The following SLC9C2 variants were observed in gnomAD, a reference collection of about 807,000 sequenced individuals.
The protein encoded by SLC9C2 is sodium/hydrogen exchanger 11.
A neutral mutation model predicts 140.2 loss-of-function variants in SLC9C2; 75 were observed. The ratio of observed to expected loss-of-function variants is 0.53; its 90% CI spans 0.44 to 0.65. The LOEUF (loss-of-function observed/expected upper bound fraction) is 0.65, where lower values mean the gene tolerates loss of function less well. Among genes scored for constraint, SLC9C2 ranks in the 30% least tolerant of loss-of-function variants. SLC9C2 has a pLI of 0.00. For synonymous variants in SLC9C2, 375 were observed against 420.9 expected (o/e 0.89, Z 1.34); for missense variants, 1,074 against 1,331.8 (o/e 0.81, Z 3.01).
At chr1:173,546,318 A>C (rs1255882274) in intron 13 of SLC9C2, among the ~76,000 whole-genome samples, 1 of 152,244 alleles carries the variant, frequency 6.6e-6, no homozygotes, top group African/African-American at 2.4e-5. Context: ...AGATCACTTG[A>C]GGCCAGAAGT....
intron 9 of SLC9C2, 28 bp downstream of exon 9, chr1:173,573,154 T>C: frequency 2.7e-6 from 4 of 1,465,964 alleles, no homozygotes; most frequent in Non-Finnish European, 3.7e-6. Context: ...CTCAGTTTAG[T>C]AAACAAACTT....
chr1:173,581,885 A>G lies in SLC9C2; in HGVS notation c.764T>C (p.Ile255Thr), dbSNP rs775068422. 6.3e-7 allele frequency: 1 copy of G among 1,597,156 alleles called. No individual in the cohort carries two copies. Among genetic ancestry groups the G allele is most frequent in the African/African-American group, 1.3e-5 (1 of 74,628 alleles). ...DVFSNMLTNI[I>T]LCFSMVYMTF... ...CATGTACACCATTGAAAAGCAGAGA[A>G]TGATATTAGTCAGCATATTGCTAAA... Residue 255 changes from isoleucine (I) to threonine (T), a missense_variant, in exon 7 of 28, where the codon ATT (isoleucine) becomes ACT (threonine). Physicochemically the swap from Ile to Thr is moderately conservative, Grantham distance 89. Transcript: ENST00000367714.
intron 13 of SLC9C2, among the ~76,000 whole-genome samples, chr1:173,538,965 C>CA (rs1230442471): frequency 6.6e-6 from 1 of 152,132 alleles, no homozygotes; most frequent in Non-Finnish European, 1.5e-5. Flanking sequence ...CTATGCAGGG[C>CA]AGGGGAAAGG....
Position 173,548,353 on chromosome 1 carries a change from G to A in SLC9C2, c.1461+36C>T, listed in dbSNP as rs754007403. On this transcript the variant is annotated intron_variant, in intron 12 of 27. Transcript: ENST00000367714. The stretch of plus-strand genomic sequence containing the variant: ...AGCAAGTGAGGCAGACCAAGGGAAG[G>A]AAAGGAAAACTACTTTTTGCCAGGT... 3 of 1,587,282 alleles carry A rather than the reference G, an allele frequency of 1.9e-6. No homozygotes were observed. The East Asian group carries it at 6.7e-5, about 35-fold the overall frequency.
intron 10 of SLC9C2, among the ~76,000 whole-genome samples, chr1:173,555,971 A>G (rs1663665590): frequency 1.3e-5 from 2 of 152,244 alleles, no homozygotes. Flanking sequence ...TATTAAATAA[A>G]TACTGTACTC....
At chr1:173,594,557 G>T (rs965952206) in intron 4 of SLC9C2, among the ~76,000 whole-genome samples, 16 of 152,154 alleles carry the variant, frequency 1.1e-4, no homozygotes, top group Non-Finnish European at 2.2e-4. Flanking sequence ...AATGGAAATT[G>T]ATAAGCATGT....
chr1:173,542,398 A>G, intron 13 of SLC9C2, among the ~76,000 whole-genome samples: 1 of 152,232 alleles, frequency 6.6e-6, no homozygotes, highest in Middle Eastern at 3.2e-3. Flanking sequence ...GTCCAAGACC[A>G]AACAGATTCA....
intron 9 of SLC9C2, among the ~76,000 whole-genome samples, chr1:173,567,009 T>C (rs1457538000): frequency 6.6e-6 from 1 of 152,078 alleles, no homozygotes; most frequent in Non-Finnish European, 1.5e-5. Flanking sequence ...TTGTTATTGA[T>C]TTCTTGTTTT....
intron 8 of SLC9C2, among the ~76,000 whole-genome samples, chr1:173,574,849 T>C (rs1665069099): frequency 6.6e-6 from 1 of 152,092 alleles, no homozygotes. Flanking sequence ...GTGGGCACAA[T>C]GGCTCATGCA....
chr1:173,521,841 C>A (rs1571460087), intron 21 of SLC9C2, among the ~76,000 whole-genome samples: 1 of 116,472 alleles, frequency 8.6e-6, no homozygotes. Context: ...ATTTACAATC[C>A]AATGGGATAA....
At chr1:173,533,530 G>A (rs764290710) in intron 17 of SLC9C2, 79 bp downstream of exon 17, 21 of 1,064,880 alleles carry the variant, frequency 2.0e-5, no homozygotes, top group Non-Finnish European at 2.7e-5. Flanking sequence ...CACCCACCTA[G>A]GCCTCCCAAA....
At chr1:173,502,857 C>T (rs1202917175) in intron 27 of SLC9C2, among the ~76,000 whole-genome samples, 1 of 152,158 alleles carries the variant, frequency 6.6e-6, no homozygotes, top group African/African-American at 2.4e-5. Context: ...TAGGAAGATG[C>T]GTGTGATCAG....
At position 173,524,932 on chromosome 1, in the gene SLC9C2, A is replaced by C. The variant is rs374561369; in HGVS notation, c.2366-5T>G. 8.7e-6 allele frequency: 14 copies of C among 1,612,654 alleles called. No homozygotes were observed. The highest frequency in any genetic ancestry group is 1.3e-5 in the African/African-American group (1 of 74,858). On this transcript the variant is annotated splice_region_variant and splice_polypyrimidine_tract_variant and intron_variant, in intron 19 of 27. Transcript: ENST00000367714. Reference sequence around the variant, plus strand: ...GACCCTCATGCTCCATGAGTACTACAGCAAAGAAAATAAAATTCAGTAAGT... The same window carrying C: ...GACCCTCATGCTCCATGAGTACTACCGCAAAGAAAATAAAATTCAGTAAGT...
At chr1:173,594,129 A>G (rs568245459) in intron 4 of SLC9C2, among the ~76,000 whole-genome samples, 9 of 152,342 alleles carry the variant, frequency 5.9e-5, no homozygotes, top group Admixed American at 2.6e-4. Context: ...GAGACAAAAC[A>G]GATACATTTT....
At chr1:173,525,184 T>C (rs1354367490) in intron 19 of SLC9C2, among the ~76,000 whole-genome samples, 1 of 152,172 alleles carries the variant, frequency 6.6e-6, no homozygotes, top group Non-Finnish European at 1.5e-5. Context: ...CTCCTCCATA[T>C]CTCTATTATG....
chr1:173,595,293 G>A (rs1402185102), intron 4 of SLC9C2, among the ~76,000 whole-genome samples: 3 of 151,964 alleles, frequency 2.0e-5, no homozygotes, highest in East Asian at 3.8e-4. Flanking sequence ...CTGTTCTCAT[G>A]TTCACCACTT....
In SLC9C2 at chr1:173,504,326, C is replaced by T. The variant is rs77288706; in HGVS notation, c.3310+921G>A. The stretch of plus-strand genomic sequence containing the variant: ...CTCTCCTCCCTATGAAGGCAAACAC[C>T]TTATCTGGCTCACTCACCAATTGGC... On this transcript the variant is annotated intron_variant, in intron 26 of 27. Coordinates refer to ENST00000367714, the MANE Select transcript of SLC9C2 (RefSeq NM_178527.4). 9.6e-3 allele frequency among the ~76,000 whole-genome samples: 1,457 copies of T among 152,224 alleles called. 28 individuals are homozygous for T. Among genetic ancestry groups the T allele is most frequent in the African/African-American group, 0.034 (1,399 of 41,526 alleles).
intron 4 of SLC9C2, among the ~76,000 whole-genome samples, chr1:173,589,559 CA>C (rs201596852): frequency 6.2e-5 from 9 of 145,812 alleles, no homozygotes; most frequent in African/African-American, 1.8e-4. Flanking sequence ...GACTCTGTCT[CA>C]AAAAAAAATA....
At chr1:173,522,943 C>A (rs1388351430) in intron 21 of SLC9C2, among the ~76,000 whole-genome samples, 2 of 152,246 alleles carry the variant, frequency 1.3e-5, no homozygotes, top group East Asian at 3.8e-4. Flanking sequence ...ATTAGAGCAG[C>A]CTTCCATGGC....
Sources: allele counts gnomAD v4.1 joint callset (sites outside exome capture counted in the v4.1 genomes callset), GRCh38; gene constraint gnomAD v4.1.1; transcripts MANE v1.5; gene names NCBI Gene and HGNC (gene_info 2026-07-23, HGNC 2026-07-21).